RPL13: variants seen among roughly 807,000 people sequenced by gnomAD.
RPL13 encodes large ribosomal subunit protein eL13.
A neutral mutation model predicts 21.4 loss-of-function variants in RPL13; 1 was observed. The observed-to-expected ratio is 0.05, with a 90% CI of 0.02 to 0.22. The LOEUF is 0.22. RPL13 is among the 10% of genes least tolerant of loss of function. The probability of loss-of-function intolerance (pLI) is 1.00; values close to 1 mark genes in which losing one functional copy is unlikely to be tolerated. For missense variants in RPL13, 289 were observed against 303.0 expected, an observed-to-expected ratio of 0.95 and a Z score of 0.34; for synonymous variants, 143 against 120.5, an observed-to-expected ratio of 1.19 and a Z score of -1.23.
rs963993536 is a variant in RPL13, at chr16:89,562,543, A to T, written c.477+152A>T. On this transcript the variant is annotated intron_variant, in intron 5 of 5. Transcript: ENST00000311528. The stretch of plus-strand genomic sequence containing the variant: ...TTTGCGGAAAGGAACATTTCTTCTT[A>T]GTTTTTACTTCTTGCAACCATGAAG... 8.8e-6 allele frequency: 6 copies of T among 681,540 alleles called. No individual in the cohort carries two copies. The African/African-American group carries it at 1.1e-4, about 13-fold the overall frequency. 42.2% of individuals were successfully genotyped at this position (681,540 alleles called of 1,614,324 possible).
At chr16:89,561,161 C>A (rs903407054) in intron 2 of RPL13, 66 bp from the exon 3 acceptor site, 2 of 1,514,806 alleles carry the variant, frequency 1.3e-6, no homozygotes, top group Non-Finnish European at 1.8e-6. Flanking sequence ...CTGTCTGCAA[C>A]CGTCGCGGAG....
At chr16:89,562,842 C>T (rs768386593) in intron 5 of RPL13, 42 bp from the exon 6 acceptor site, 9 of 1,485,470 alleles carry the variant, frequency 6.1e-6, no homozygotes, top group Non-Finnish European at 8.0e-6. Flanking sequence ...TTCCCTTGCC[C>T]TTTGGTGCAT....
At chr16:89,562,446 G>A (rs1302253257) in intron 5 of RPL13, 55 bp downstream of exon 5, 3 of 1,553,914 alleles carry the variant, frequency 1.9e-6, no homozygotes, top group South Asian at 1.2e-5. Context: ...GGGTGAACAC[G>A]TGGGTATCTG....
rs1021821040 is a variant in RPL13 at position 89,561,925 on chromosome 16, A to G, written c.420+174A>G. On this transcript the variant is annotated intron_variant, in intron 4 of 5. Coordinates refer to ENST00000311528, the MANE Select transcript of RPL13 (RefSeq NM_000977.4). ...TGTGCGTTTCCGCAGAGATAACCTT[A>G]ATGGACATGGCAAGGCTGTGTGACT... 34 of 736,612 alleles carry G rather than the reference A, an allele frequency of 4.6e-5. 1 individual carries two copies. The highest frequency in any genetic ancestry group is 6.1e-5 in the Non-Finnish European group (28 of 460,600). 45.6% of individuals were successfully genotyped at this position (736,612 alleles called of 1,614,324 possible).
Position 89,561,142 on chromosome 16 carries a change from C to CG in RPL13, c.105-79dup, listed in dbSNP as rs561209226. On this transcript the variant is annotated intron_variant, in intron 2 of 5. Transcript: ENST00000311528. ...GGCTTGCGGGTGGCCGATGCCAGGG[C>CG]GGGGGGCGCTGTCTGCAACCGTCGC... 267 of 1,516,592 alleles carry CG rather than the reference C, an allele frequency of 1.8e-4. No homozygotes were observed. The African/African-American group carries it at 3.4e-3, about 19-fold the overall frequency. 93.9% of individuals were successfully genotyped at this position (1,516,592 alleles called of 1,614,324 possible).
At chr16:89,562,463 G>T in intron 5 of RPL13, 72 bp downstream of exon 5, 2 of 1,412,758 alleles carry the variant, frequency 1.4e-6, no homozygotes, top group South Asian at 1.2e-5. Flanking sequence ...TCTGAGATGC[G>T]GGTGATGGGG....
rs72037989 is a variant in RPL13, at chr16:89,563,573, C to CA, written c.*544dup. 381 of 139,122 alleles carry CA rather than the reference C, an allele frequency of 2.7e-3. 2 individuals are homozygous for CA. Among genetic ancestry groups the CA allele is most frequent in the African/African-American group, 6.3e-3 (240 of 38,048 alleles). 8.6% of individuals were successfully genotyped at this position (139,122 alleles called of 1,614,324 possible). ...AGCCTGGGCAACAGTGAGACTGTCT[C>CA]AAAAAAAAAAAAAGAGACAGGGTCT... On this transcript the variant is annotated 3_prime_UTR_variant, in exon 6 of 6. Coordinates refer to ENST00000311528, the MANE Select transcript of RPL13 (RefSeq NM_000977.4).
chr16:89,561,910 C>T (rs1390918058), intron 4 of RPL13, 159 bp downstream of exon 4: 9 of 821,194 alleles, frequency 1.1e-5, no homozygotes, highest in Non-Finnish European at 1.7e-5. Flanking sequence ...TGTGCGTTTC[C>T]GCAGAGATAA....
chr16:89,562,523 G>A (rs78098075), intron 5 of RPL13, 132 bp downstream of exon 5: 5 of 773,130 alleles, frequency 6.5e-6, no homozygotes, highest in South Asian at 1.9e-5. Context: ...GGAGGTTTGC[G>A]GAAAGGAACA....
intron 5 of RPL13, 72 bp from the exon 6 acceptor site, chr16:89,562,812 G>C: frequency 6.9e-7 from 1 of 1,448,152 alleles, no homozygotes; most frequent in Non-Finnish European, 9.1e-7. Context: ...GGTCCTCCAG[G>C]TTCTCCTGAC....
At position 89,564,074 on chromosome 16, in the gene RPL13, C is replaced by G. The variant is rs891185242; in HGVS notation, c.*1032C>G. 2.0e-5 allele frequency: 3 copies of G among 152,294 alleles called. No individual in the cohort carries two copies. The highest frequency in any genetic ancestry group is 4.4e-5 in the Non-Finnish European group (3 of 68,086). The allele number at this position is 152,294 out of a possible 1,614,324, so 9.4% of individuals were successfully genotyped here. ...TGCTCAGACACAGCCTGCCCTAGTC[C>G]TACCAGCTCACAGCAGCACCTGCTC... On this transcript the variant is annotated 3_prime_UTR_variant, in exon 6 of 6. Coordinates refer to ENST00000311528, the MANE Select transcript of RPL13 (RefSeq NM_000977.4).
In RPL13 at chr16:89,561,574, G is replaced by C; in HGVS notation, c.247-4G>C. The C allele has an allele frequency of 6.2e-7, 1 of 1,613,420 alleles. No individual in the cohort carries two copies. Among genetic ancestry groups the C allele is most frequent in the Non-Finnish European group, 8.5e-7 (1 of 1,180,026 alleles). On this transcript the variant is annotated splice_polypyrimidine_tract_variant and splice_region_variant and intron_variant, in intron 3 of 5. Transcript: ENST00000311528. ...GTCTCCATCTCTCTCTGGTTCTGGG[G>C]CAGGTGGCCGGCATTCACAAGAAGG...
At chr16:89,565,024 G>A (rs1007704274), downstream of RPL13, 2 of 152,288 alleles carry the variant, frequency 1.3e-5, no homozygotes, top group Non-Finnish European at 2.9e-5. Context: ...CAGGGTTCAG[G>A]TATCATCTGT....
chr16:89,562,639 C>G (rs1005344592), intron 5 of RPL13: 6 of 576,732 alleles, frequency 1.0e-5, no homozygotes, highest in Admixed American at 3.8e-5. Flanking sequence ...TTTCTCTATG[C>G]TGCTTACATT....
intron 3 of RPL13, 99 bp from the exon 4 acceptor site, chr16:89,561,479 T>G (rs747875119): frequency 7.4e-6 from 12 of 1,612,040 alleles, no homozygotes; most frequent in East Asian, 2.2e-5. Context: ...TGAAAGCACA[T>G]TTGAACCCTT....
chr16:89,560,904 G>T, intron 1 of RPL13, 36 bp from the exon 2 acceptor site: 1 of 1,495,912 alleles, frequency 6.7e-7, no homozygotes, highest in South Asian at 1.2e-5. Context: ...GCGCGCCCGG[G>T]GTCCGGCCTC....
chr16:89,560,675 C>G (rs898761252), upstream of RPL13: 2 of 359,432 alleles, frequency 5.6e-6, no homozygotes, highest in African/African-American at 2.2e-5. Context: ...CATTGCGGGG[C>G]CGCTTCCTTT....
rs2058766368 is a variant in RPL13 at position 89,564,229 on chromosome 16, A to G, written c.*1187A>G. ...CCAGGGAGCTGTTACTGGCGTGGAA[A>G]TAGGTGATGCTGCTACCTCTGCTGC... is the stretch of plus-strand genomic sequence containing the variant. On this transcript the variant is annotated 3_prime_UTR_variant, in exon 6 of 6. Transcript: ENST00000311528. 6.6e-6 allele frequency: 1 copy of G among 152,214 alleles called. No individual in the cohort carries two copies. Among genetic ancestry groups the G allele is most frequent in the Non-Finnish European group, 1.5e-5 (1 of 68,042 alleles). The allele number at this position is 152,214 out of a possible 1,614,324, so 9.4% of individuals were successfully genotyped here.
At chr16:89,561,893 G>T in intron 4 of RPL13, 142 bp downstream of exon 4, 4 of 921,472 alleles carry the variant, frequency 4.3e-6, no homozygotes, top group Non-Finnish European at 6.4e-6. Flanking sequence ...GACTGCTAAG[G>T]TTCACCTGTG....
Sources: gnomAD v4.1 joint callset for allele counts on GRCh38, gnomAD v4.1.1 for gene constraint, MANE v1.5 for transcripts, NCBI Gene and HGNC (gene_info 2026-07-23, HGNC 2026-07-21) for gene names.